The following PRICKLE1 variants were observed in gnomAD, a reference collection of about 807,000 sequenced individuals.
PRICKLE1 encodes the protein prickle-like protein 1.
PRICKLE1 carries 14 observed loss-of-function variants against 70.2 expected under a neutral mutation model. The observed-to-expected ratio is 0.20, with a 90% CI of 0.13 to 0.31. The LOEUF is 0.31. Ranked by LOEUF, PRICKLE1 falls within the 10% of genes least tolerant of loss-of-function variation. The pLI is 1.00. For missense variants in PRICKLE1, 821 were observed against 1,026.2 expected, an observed-to-expected ratio of 0.80 and a Z score of 2.73; for synonymous variants, 357 against 379.9, an observed-to-expected ratio of 0.94 and a Z score of 0.70.
chr12:42,552,922 C>T (rs1592022878), intron 1 of PRICKLE1, among the ~76,000 whole-genome samples: 1 of 152,162 alleles, frequency 6.6e-6, no homozygotes, highest in African/African-American at 2.4e-5. Flanking sequence ...AGATCCCTCT[C>T]CTGCGCGGTT....
chr12:42,470,443 A>C (rs576901073), intron 2 of PRICKLE1, 84 bp from the exon 3 acceptor site: 37 of 968,440 alleles, frequency 3.8e-5, no homozygotes, highest in Non-Finnish European at 8.3e-6. Context: ...ACCTTTCCCT[A>C]GGTACAGGGT....
At position 42,464,728 on chromosome 12, in the gene PRICKLE1, C is replaced by T; in HGVS notation, c.1306G>A (p.Asp436Asn). The change falls in exon 7 of 8, where the codon GAT becomes AAT. Residue 436 changes from aspartate (D) to asparagine (N), a missense_variant. By Grantham distance (23) the Asp-to-Asn change is conservative. Coordinates refer to ENST00000345127, the MANE Select transcript of PRICKLE1 (RefSeq NM_153026.3). This position sits in a 1 kb window ranked among gnomAD's most constrained non-coding sequence, Gnocchi z 4.2. ...SLFQPQPNEM[D>N]IRASEHWISD... is the part of the protein sequence containing the mutation. Reference sequence around the variant, plus strand: ...ATCCAGTGCTCACTGGCTCGAATATCCATCTCATTGGGCTGTGGCTGAAAG... The same window carrying T: ...ATCCAGTGCTCACTGGCTCGAATATTCATCTCATTGGGCTGTGGCTGAAAG... 1.2e-6 allele frequency: 2 copies of T among 1,613,972 alleles called. No homozygotes were observed. Among genetic ancestry groups the T allele is most frequent in the Non-Finnish European group, 1.7e-6 (2 of 1,180,002 alleles).
chr12:42,563,677 T>C (rs1315166058), intron 1 of PRICKLE1, among the ~76,000 whole-genome samples: 1 of 113,196 alleles, frequency 8.8e-6, no homozygotes, highest in Non-Finnish European at 1.6e-5. Flanking sequence ...CACTCCAGCC[T>C]GGGTGACAGA....
chr12:42,529,020 T>G lies in PRICKLE1; in HGVS notation c.-48-56456A>C, dbSNP rs184780406. Among the ~76,000 whole-genome samples the G allele has an allele frequency of 1.4e-3, 216 of 152,342 alleles. 1 individual carries two copies. The highest frequency in any genetic ancestry group is 4.8e-3 in the African/African-American group (201 of 41,574). On this transcript the variant is annotated intron_variant, in intron 1 of 7. Coordinates refer to ENST00000345127, the MANE Select transcript of PRICKLE1 (RefSeq NM_153026.3). ...TTGAAAATGGCCCCTGTCCCTCTAC[T>G]GTTTTTATTTTTTATTTTTTTATGA...
chr12:42,512,313 GGT>G (rs1424093115), intron 1 of PRICKLE1, among the ~76,000 whole-genome samples: 5 of 151,052 alleles, frequency 3.3e-5, no homozygotes, highest in African/African-American at 1.2e-4. Context: ...TGGGACTACA[GGT>G]GTGCGGCACC....
chr12:42,531,602 G>A (rs536275203), intron 1 of PRICKLE1, among the ~76,000 whole-genome samples: 4 of 152,220 alleles, frequency 2.6e-5, no homozygotes, highest in Admixed American at 6.5e-5. Flanking sequence ...TCAGGAGAAA[G>A]GATAACATTG....
chr12:42,464,785 G>C lies in PRICKLE1; in HGVS notation c.1249C>G (p.Gln417Glu). 4.3e-6 allele frequency: 7 copies of C among 1,614,066 alleles called. No individual in the cohort carries two copies. Among genetic ancestry groups the C allele is most frequent in the Non-Finnish European group, 5.9e-6 (7 of 1,180,020 alleles). Residue 417 changes from glutamine to glutamate, a missense_variant, in exon 7 of 8, where the codon CAG (glutamine) becomes GAG (glutamate). Transcript: ENST00000345127. This position sits in a 1 kb window ranked among gnomAD's most constrained non-coding sequence, Gnocchi z 4.2. Reference sequence around the variant, plus strand: ...TTATCACCAAACTTGAGGAGGAGCTGCGTCATATAATCTTCATGATCAGCC... The same window carrying C: ...TTATCACCAAACTTGAGGAGGAGCTCCGTCATATAATCTTCATGATCAGCC... ...EWADHEDYMTQLLLKFGDKSL... is the reference protein window; with the variant it reads ...EWADHEDYMTELLLKFGDKSL...
chr12:42,578,642 A>AG (rs1339926393), intron 1 of PRICKLE1, among the ~76,000 whole-genome samples: 1 of 151,482 alleles, frequency 6.6e-6, no homozygotes, highest in Non-Finnish European at 1.5e-5. Flanking sequence ...TGGGGGGAAA[A>AG]ACCCACAAAA....
At chr12:42,521,784 C>G (rs1270498226) in intron 1 of PRICKLE1, among the ~76,000 whole-genome samples, 1 of 152,028 alleles carries the variant, frequency 6.6e-6, no homozygotes, top group Non-Finnish European at 1.5e-5. Flanking sequence ...TGTCCCAGTT[C>G]TCCCAGCATT....
chr12:42,460,369 C>A lies in PRICKLE1; in HGVS notation c.1936G>T (p.Glu646Ter). Reference sequence around the variant, plus strand: ...TCACTCATCGGAGGCTGCCGGATTTCAATGTCATAGTTCCCATTGTCAATG... The same window carrying A: ...TCACTCATCGGAGGCTGCCGGATTTAAATGTCATAGTTCCCATTGTCAATG... Reference protein sequence around the residue: ...DVIDNGNYDIEIRQPPMSERT... With the variant: ...DVIDNGNYDI The change falls in exon 8 of 8, where the codon GAA becomes TAA. Residue 646 changes from glutamate to a stop codon, truncating the protein, a stop_gained. Transcript: ENST00000345127. LOFTEE classifies it low-confidence loss of function (END_TRUNC). 1 of 1,614,104 alleles carries A rather than the reference C, an allele frequency of 6.2e-7. No homozygotes were observed. The highest frequency in any genetic ancestry group is 8.5e-7 in the Non-Finnish European group (1 of 1,179,990).
intron 1 of PRICKLE1, among the ~76,000 whole-genome samples, chr12:42,549,119 CAAAAAAA>C (rs34355848): frequency 9.3e-5 from 5 of 53,968 alleles, no homozygotes; most frequent in African/African-American, 3.8e-4. Flanking sequence ...ACCCTGTCTC[CAAAAAAA>C]AAAAAAAAAA....
intron 1 of PRICKLE1, among the ~76,000 whole-genome samples, chr12:42,541,531 T>C (rs529498431): frequency 6.6e-6 from 1 of 152,086 alleles, no homozygotes; most frequent in South Asian, 2.1e-4. Flanking sequence ...AGAGATGGGG[T>C]CTCACTATGT....
intron 5 of PRICKLE1, among the ~76,000 whole-genome samples, chr12:42,467,084 G>A (rs1215447256): frequency 6.6e-6 from 1 of 152,014 alleles, no homozygotes; most frequent in Non-Finnish European, 1.5e-5. Flanking sequence ...GTCTCACCAT[G>A]GGGTCTAGTC....
chr12:42,522,431 T>G (rs910134140), intron 1 of PRICKLE1, among the ~76,000 whole-genome samples: 3 of 152,202 alleles, frequency 2.0e-5, no homozygotes, highest in Non-Finnish European at 4.4e-5. Context: ...TTTTCTACCA[T>G]GCTTATACAA....
intron 1 of PRICKLE1, among the ~76,000 whole-genome samples, chr12:42,488,317 C>A (rs2140167493): frequency 6.6e-6 from 1 of 152,272 alleles, no homozygotes; most frequent in South Asian, 2.1e-4. Context: ...GAGTCCACAG[C>A]CCAAGTTGTG....
intron 1 of PRICKLE1, among the ~76,000 whole-genome samples, chr12:42,508,052 C>T (rs1939448741): frequency 6.6e-6 from 1 of 152,022 alleles, no homozygotes; most frequent in Non-Finnish European, 1.5e-5. Flanking sequence ...ACATATATTT[C>T]AATGGCGATT....
chr12:42,508,635 G>T (rs1309026010), intron 1 of PRICKLE1, among the ~76,000 whole-genome samples: 2 of 152,102 alleles, frequency 1.3e-5, no homozygotes, highest in Non-Finnish European at 2.9e-5. Flanking sequence ...AAAGAAATTT[G>T]CTTTAGGTTG....
chr12:42,477,508 A>G (rs61924382), intron 1 of PRICKLE1, among the ~76,000 whole-genome samples: 30 of 24,564 alleles, frequency 1.2e-3, no homozygotes, highest in East Asian at 2.6e-3. Context: ...ATATATATAT[A>G]TATATATATA....
intron 1 of PRICKLE1, among the ~76,000 whole-genome samples, chr12:42,567,604 G>T (rs1402838143): frequency 6.6e-6 from 1 of 152,122 alleles, no homozygotes; most frequent in Non-Finnish European, 1.5e-5. Flanking sequence ...GAGGCAGATG[G>T]ATCACCTGAG....
Sources: gnomAD v4.1 joint callset for allele counts (sites outside exome capture counted in the v4.1 genomes callset) on GRCh38, gnomAD v4.1.1 for gene constraint, Gnocchi (gnomAD v3.1) non-coding constraint, MANE v1.5 for transcripts, NCBI Gene and HGNC (gene_info 2026-07-23, HGNC 2026-07-21) for gene names.